NHLRC2: variants seen among roughly 807,000 people sequenced by gnomAD.
NHLRC2 encodes the protein NHL repeat-containing protein 2.
A neutral mutation model predicts 68.1 loss-of-function variants in NHLRC2; 33 were observed. That is an observed-to-expected ratio of 0.48 (90% CI 0.37 to 0.65). The LOEUF (loss-of-function observed/expected upper bound fraction) is 0.65. Among genes scored for constraint, NHLRC2 ranks in the 30% least tolerant of loss-of-function variants. NHLRC2 has a pLI of 0.00. For synonymous variants in NHLRC2, 311 were observed against 309.6 expected (o/e 1.00, Z -0.05); for missense variants, 761 against 853.8 (o/e 0.89, Z 1.35).
intron 4 of NHLRC2, among the ~76,000 whole-genome samples, chr10:113,883,430 G>A (rs1040439140): frequency 2.6e-5 from 4 of 151,860 alleles, no homozygotes; most frequent in Admixed American, 1.3e-4. Flanking sequence ...TATCTATGAA[G>A]TAAGGAAAAT....
At chr10:113,875,632 G>C (rs4589246) in intron 2 of NHLRC2, among the ~76,000 whole-genome samples, 116,434 of 152,154 alleles carry the variant, frequency 0.77, 44,731 homozygotes, top group Admixed American at 0.84. Flanking sequence ...TTTTGGCCCT[G>C]CTGTACAATC....
chr10:113,896,993 CAAA>C (rs1166918337), intron 5 of NHLRC2, among the ~76,000 whole-genome samples: 3 of 73,358 alleles, frequency 4.1e-5, no homozygotes, highest in Admixed American at 1.6e-4. Flanking sequence ...GACTCCGCCT[CAAA>C]AAAAAAAAAA....
chr10:113,890,402 A>T (rs572443233), intron 5 of NHLRC2, among the ~76,000 whole-genome samples: 1 of 152,186 alleles, frequency 6.6e-6, no homozygotes, highest in African/African-American at 2.4e-5. Flanking sequence ...TTTATATGTA[A>T]AGTGTATTTT....
At chr10:113,886,609 A>C (rs144017468) in intron 5 of NHLRC2, among the ~76,000 whole-genome samples, 125 of 152,348 alleles carry the variant, frequency 8.2e-4, no homozygotes, top group African/African-American at 2.8e-3. Context: ...TTTTCAACAA[A>C]AGTGCCAAGA....
rs1359089486 is a variant in NHLRC2, at chr10:113,854,675, C to T, written c.-198C>T. 1 of 555,232 alleles carries T rather than the reference C, an allele frequency of 1.8e-6. No homozygotes were observed. Among genetic ancestry groups the T allele is most frequent in the East Asian group, 3.0e-5 (1 of 32,992 alleles). The allele number at this position is 555,232 out of a possible 1,614,324, so 34.4% of individuals were successfully genotyped here. On this transcript the variant is annotated 5_prime_UTR_variant, in exon 1 of 11. Coordinates refer to ENST00000369301, the MANE Select transcript of NHLRC2 (RefSeq NM_198514.4). ...GGTCGGACGGCAGTTTAATTACGTC[C>T]CCGGGAACTGCGCCGATTTGGACTT...
At chr10:113,865,890 C>CT (rs892244292) in intron 2 of NHLRC2, among the ~76,000 whole-genome samples, 3 of 152,158 alleles carry the variant, frequency 2.0e-5, no homozygotes, top group African/African-American at 7.2e-5. Flanking sequence ...ATTGAATTTG[C>CT]TTTTTTGTAG....
intron 1 of NHLRC2, among the ~76,000 whole-genome samples, chr10:113,856,203 C>A (rs1564848555): frequency 6.6e-6 from 1 of 152,188 alleles, no homozygotes; most frequent in East Asian, 1.9e-4. Flanking sequence ...ATTTTACCTT[C>A]TTTGGATGGG....
intron 2 of NHLRC2, among the ~76,000 whole-genome samples, chr10:113,868,179 G>C (rs1219309698): frequency 6.6e-6 from 1 of 152,082 alleles, no homozygotes; most frequent in Non-Finnish European, 1.5e-5. Flanking sequence ...GGTGGTGATG[G>C]TGGTGTTTTA....
At chr10:113,878,077 T>A (rs1056386536) in intron 3 of NHLRC2, among the ~76,000 whole-genome samples, 1 of 152,208 alleles carries the variant, frequency 6.6e-6, no homozygotes, top group African/African-American at 2.4e-5. Context: ...ACTGTTATCT[T>A]TTGATACAGT....
intron 5 of NHLRC2, among the ~76,000 whole-genome samples, chr10:113,893,056 G>A (rs1053870255): frequency 6.6e-6 from 1 of 152,062 alleles, no homozygotes; most frequent in Non-Finnish European, 1.5e-5. Context: ...ACCAAAAATG[G>A]GAAGGCAAGG....
Position 113,913,038 on chromosome 10 carries a change from T to C in NHLRC2, c.*4502T>C, listed in dbSNP as rs1412350348. The C allele has an allele frequency of 1.3e-5, 2 of 152,352 alleles. No individual in the cohort carries two copies. The highest frequency in any genetic ancestry group is 2.4e-5 in the African/African-American group (1 of 41,582). The allele number at this position is 152,352 out of a possible 1,614,324, so 9.4% of individuals were successfully genotyped here. ...AGTTCTTTCTATTTTCCAGCACTCA[T>C]CTATTAAGTGCTTTTATGTATTAAC... On this transcript the variant is annotated 3_prime_UTR_variant, in exon 11 of 11. Coordinates refer to ENST00000369301, the MANE Select transcript of NHLRC2 (RefSeq NM_198514.4).
Position 113,904,669 on chromosome 10 carries a change from C to T in NHLRC2, c.1705-148C>T, listed in dbSNP as rs1029693834. The T allele has an allele frequency of 8.0e-6, 5 of 624,874 alleles. No homozygotes were observed. The Admixed American group carries it at 1.2e-4, about 15-fold the overall frequency. 38.7% of individuals were successfully genotyped at this position (624,874 alleles called of 1,614,324 possible). On this transcript the variant is annotated intron_variant, in intron 9 of 10. Coordinates refer to ENST00000369301, the MANE Select transcript of NHLRC2 (RefSeq NM_198514.4). ...GTGTCTACGAAAATAATCTTGAGGG[C>T]ATCTAACACATTCTAATTCAAACTA... is the stretch of plus-strand genomic sequence containing the variant.
chr10:113,889,058 C>A (rs1392545338), intron 5 of NHLRC2, among the ~76,000 whole-genome samples: 1 of 152,024 alleles, frequency 6.6e-6, no homozygotes, highest in African/African-American at 2.4e-5. Flanking sequence ...AACTCCTGAC[C>A]TCTAGTGATT....
intron 4 of NHLRC2, 115 bp from the exon 5 acceptor site, chr10:113,884,136 T>G (rs1179359121): frequency 2.4e-6 from 2 of 825,524 alleles, no homozygotes; most frequent in Non-Finnish European, 3.7e-6. Flanking sequence ...ATAATAAAAC[T>G]TTGTACTGCA....
chr10:113,877,508 A>C (rs912577373), intron 3 of NHLRC2, among the ~76,000 whole-genome samples: 3 of 152,122 alleles, frequency 2.0e-5, no homozygotes. Flanking sequence ...CCAGAATAGA[A>C]ATAGGTGTAG....
intron 2 of NHLRC2, among the ~76,000 whole-genome samples, chr10:113,866,172 G>A (rs946174708): frequency 3.9e-5 from 6 of 152,160 alleles, no homozygotes; most frequent in African/African-American, 1.2e-4. Context: ...TTTCACAGTC[G>A]CAAATGAGAA....
chr10:113,904,559 G>T (rs1056090278), intron 9 of NHLRC2, among the ~76,000 whole-genome samples: 3 of 151,972 alleles, frequency 2.0e-5, no homozygotes, highest in Non-Finnish European at 2.9e-5. Context: ...ATTTCCTGCC[G>T]TCTATATACA....
chr10:113,887,101 A>T (rs1429398789), intron 5 of NHLRC2, among the ~76,000 whole-genome samples: 2 of 152,254 alleles, frequency 1.3e-5, no homozygotes, highest in East Asian at 3.8e-4. Flanking sequence ...AAGCAGATAT[A>T]TGAGAAAATA....
At chr10:113,890,987 C>T (rs950729405) in intron 5 of NHLRC2, among the ~76,000 whole-genome samples, 1 of 152,098 alleles carries the variant, frequency 6.6e-6, no homozygotes, top group Non-Finnish European at 1.5e-5. Context: ...AACCAGATCT[C>T]GTAAGAACTC....
Sources: allele counts gnomAD v4.1 joint callset (sites outside exome capture counted in the v4.1 genomes callset), GRCh38; gene constraint gnomAD v4.1.1; transcripts MANE v1.5; gene names NCBI Gene and HGNC (gene_info 2026-07-23, HGNC 2026-07-21).